Variants in DEFB121 observed in about 807,000 individuals in gnomAD.
DEFB121 encodes the protein defensin beta 121, also known as beta-defensin 121.
In DEFB121, 5 loss-of-function variants were observed where a neutral mutation model predicts 2.5. The ratio of observed to expected loss-of-function variants is 1.96; its 90% CI spans 1.03 to 4.13. The LOEUF (loss-of-function observed/expected upper bound fraction) is 4.13. Ranked by LOEUF, DEFB121 falls within the 30% of genes most tolerant of loss-of-function variation. DEFB121 has a pLI of 0.00. For missense variants in DEFB121, 87 were observed against 85.0 expected (o/e 1.02, Z -0.09); for synonymous variants, 39 against 32.6 (o/e 1.20, Z -0.67).
rs373697579 is a variant in DEFB121, at chr20:31,412,631, C to G, written n.208G>C. ...TACTATGAATCCTCACCTTCCTTGACTTCTTGAAACATTTGGCTATTGACC... is the reference window on the plus strand; with the variant it reads ...TACTATGAATCCTCACCTTCCTTGAGTTCTTGAAACATTTGGCTATTGACC... On this transcript the variant is annotated non_coding_transcript_exon_variant, in exon 1 of 2. Transcript: ENST00000376312. 3.9e-6 allele frequency: 5 copies of G among 1,290,842 alleles called. No homozygotes were observed. The African/African-American group carries it at 7.6e-5, about 20-fold the overall frequency. 80.0% of individuals were successfully genotyped at this position (1,290,842 alleles called of 1,614,324 possible). A position where few individuals can be genotyped will look rare whatever the true frequency, so the allele number is the denominator to read the frequency against.
At chr20:31,405,132 G>A (rs771029439) in intron 1 of DEFB121, 47 bp from the exon 2 acceptor site, 1 of 1,552,868 alleles carries the variant, frequency 6.4e-7, no homozygotes, top group South Asian at 1.3e-5. Context: ...TTGAAAGAAA[G>A]CAGAAAGGTG....
chr20:31,411,690 G>A (rs188600667), intron 1 of DEFB121, among the ~76,000 whole-genome samples: 8 of 152,342 alleles, frequency 5.3e-5, no homozygotes, highest in Non-Finnish European at 7.3e-5. Flanking sequence ...AAGAAAGGTA[G>A]GAGGCACTCA....
chr20:31,406,378 A>G (rs1461234418), upstream of DEFB121: 3 of 922,382 alleles, frequency 3.3e-6, no homozygotes, highest in Non-Finnish European at 4.3e-6. Flanking sequence ...GACGTTAACA[A>G]AGAGAAGATA....
chr20:31,416,549 A>C (rs530979373), upstream of DEFB121, among the ~76,000 whole-genome samples: 13 of 152,326 alleles, frequency 8.5e-5, no homozygotes, highest in African/African-American at 2.4e-4. Context: ...AGACCTTAGA[A>C]GTTGTTGCAT....
upstream of DEFB121, among the ~76,000 whole-genome samples, chr20:31,410,057 TA>T (rs1568739980): frequency 6.6e-6 from 1 of 151,952 alleles, no homozygotes. Flanking sequence ...AAGTTGACTT[TA>T]AAAAAAACCT....
chr20:31,412,655 C>A (rs1346553245), exon 1 of DEFB121: 2 of 1,290,918 alleles, frequency 1.5e-6, no homozygotes, highest in South Asian at 2.5e-5. Context: ...TGGCTATTGA[C>A]CTCTTTCCTC....
chr20:31,408,288 C>A (rs146296099), upstream of DEFB121, among the ~76,000 whole-genome samples: 465 of 152,046 alleles, frequency 3.1e-3, 1 homozygote, highest in African/African-American at 8.1e-3. Flanking sequence ...TACACACACA[C>A]AAAAAAAGTT....
At chr20:31,415,730 C>T (rs1396745181), upstream of DEFB121, among the ~76,000 whole-genome samples, 1 of 151,994 alleles carries the variant, frequency 6.6e-6, no homozygotes, top group Non-Finnish European at 1.5e-5. Context: ...CATGGAGGAC[C>T]TTCTCCTTCT....
upstream of DEFB121, among the ~76,000 whole-genome samples, chr20:31,413,854 G>A (rs183055679): frequency 2.0e-5 from 3 of 152,196 alleles, no homozygotes; most frequent in African/African-American, 4.8e-5. Context: ...CCTTGCACAC[G>A]CTGGGTGGGA....
intron 1 of DEFB121, among the ~76,000 whole-genome samples, chr20:31,411,687 G>A (rs770299331): frequency 2.0e-5 from 3 of 152,214 alleles, no homozygotes; most frequent in Non-Finnish European, 4.4e-5. Context: ...ATGAAGAAAG[G>A]TAGGAGGCAC....
chr20:31,405,519 C>T (rs1978449382), intron 1 of DEFB121, among the ~76,000 whole-genome samples: 1 of 152,192 alleles, frequency 6.6e-6, no homozygotes, highest in African/African-American at 2.4e-5. Context: ...ACTCATTTAA[C>T]ATCTGTAAGT....
intron 1 of DEFB121, among the ~76,000 whole-genome samples, chr20:31,412,424 C>T (rs992119298): frequency 6.6e-6 from 1 of 152,146 alleles, no homozygotes; most frequent in Non-Finnish European, 1.5e-5. Context: ...ACATATTAGC[C>T]ATGTGACTTT....
At chr20:31,410,856 A>AGAGAGAGAGAGAGAGAGAGAGAGAGAG (rs1568740216), upstream of DEFB121, among the ~76,000 whole-genome samples, 1 of 122,178 alleles carries the variant, frequency 8.2e-6, no homozygotes, top group African/African-American at 3.6e-5. Context: ...GAGAGAGAGA[A>AGAGAGAGAGAGAGAGAGAGAGAGAGAG]AGAGAGCAAC....
exon 1 of DEFB121, chr20:31,412,691 G>A: frequency 7.8e-7 from 1 of 1,289,082 alleles, no homozygotes; most frequent in Non-Finnish European, 1.0e-6. Context: ...GCTTTTCATT[G>A]TCAACACAGT....
chr20:31,416,408 A>G (rs559543290), upstream of DEFB121, among the ~76,000 whole-genome samples: 8 of 152,292 alleles, frequency 5.3e-5, no homozygotes, highest in African/African-American at 1.9e-4. Flanking sequence ...TGTTTGATAT[A>G]TTGAGTTTCA....
At chr20:31,406,797 T>C (rs147859255), upstream of DEFB121, among the ~76,000 whole-genome samples, 1,583 of 152,260 alleles carry the variant, frequency 0.01, 25 homozygotes, top group African/African-American at 0.035. Context: ...TGTGGTCTTT[T>C]TTTTATTATT....
At chr20:31,408,778 C>G (rs1326147624), upstream of DEFB121, among the ~76,000 whole-genome samples, 3 of 152,166 alleles carry the variant, frequency 2.0e-5, no homozygotes, top group Non-Finnish European at 4.4e-5. Context: ...GTAATTCCAG[C>G]ACTTTGGGAG....
upstream of DEFB121, among the ~76,000 whole-genome samples, chr20:31,408,479 T>C (rs1242309435): frequency 6.6e-6 from 1 of 151,446 alleles, no homozygotes; most frequent in African/African-American, 2.4e-5. Flanking sequence ...ATAAATTTTC[T>C]TGTTGTCTGA....
chr20:31,410,425 G>A (rs1007537725), upstream of DEFB121, among the ~76,000 whole-genome samples: 6 of 152,134 alleles, frequency 3.9e-5, no homozygotes, highest in African/African-American at 1.2e-4. Context: ...CTCACTACCT[G>A]GGTGACAAGA....
Sources: gnomAD v4.1 joint callset for allele counts (sites outside exome capture counted in the v4.1 genomes callset) on GRCh38, gnomAD v4.1.1 for gene constraint, MANE v1.5 for transcripts, NCBI Gene and HGNC (gene_info 2026-07-23, HGNC 2026-07-21) for gene names.